Variants in CNBD1 observed in about 807,000 individuals in gnomAD.
The protein encoded by CNBD1 is cyclic nucleotide binding domain containing 1.
CNBD1 carries 71 observed loss-of-function variants against 54.4 expected under a neutral mutation model. The observed-to-expected ratio is 1.30, with a 90% CI of 1.08 to 1.59. The LOEUF (loss-of-function observed/expected upper bound fraction) is 1.59, where lower values mean the gene tolerates loss of function less well. CNBD1 is among the 40% of genes most tolerant of loss of function. CNBD1 has a pLI of 0.00. For missense variants in CNBD1, 659 were observed against 518.0 expected (o/e 1.27, Z -2.64); for synonymous variants, 182 against 170.7 (o/e 1.07, Z -0.51).
At chr8:87,329,193 C>G (rs1809759105) in intron 8 of CNBD1, among the ~76,000 whole-genome samples, 1 of 152,038 alleles carries the variant, frequency 6.6e-6, no homozygotes, top group South Asian at 2.1e-4. Context: ...ACTGTACTGC[C>G]TTTGTTCTGT....
intron 5 of CNBD1, among the ~76,000 whole-genome samples, chr8:87,235,405 A>G (rs545608007): frequency 8.5e-5 from 13 of 152,284 alleles, no homozygotes; most frequent in African/African-American, 2.9e-4. Context: ...ATTCAAAGTA[A>G]GAGACACATG....
intron 10 of CNBD1, among the ~76,000 whole-genome samples, chr8:87,371,936 G>A (rs1469717599): frequency 6.6e-6 from 1 of 151,852 alleles, no homozygotes; most frequent in East Asian, 1.9e-4. Flanking sequence ...ACAAGACAGG[G>A]ACGCCCTCTC....
At chr8:87,422,314 A>T (rs918066440) in intron 2 of CNBD1, among the ~76,000 whole-genome samples, 3 of 146,174 alleles carry the variant, frequency 2.1e-5, no homozygotes, top group African/African-American at 7.9e-5. Context: ...TTTTGTTGCC[A>T]TTGCTTTTGG....
At chr8:87,185,990 C>T (rs1164040870) in intron 4 of CNBD1, among the ~76,000 whole-genome samples, 1 of 151,978 alleles carries the variant, frequency 6.6e-6, no homozygotes, top group African/African-American at 2.4e-5. Flanking sequence ...TTTATTTGTT[C>T]CTCGTTTCCA....
At position 87,257,666 on chromosome 8, in the gene CNBD1, A is replaced by T. The variant is rs535813304; in HGVS notation, c.771+20554A>T. Among the ~76,000 whole-genome samples the T allele has an allele frequency of 3.3e-5, 5 of 152,248 alleles. No individual in the cohort carries two copies. The South Asian group carries it at 8.3e-4, about 25-fold the overall frequency. ...GGTTCTCCGTGAGTCCATGCTTAAC[A>T]TTGGATTTATGTCCTCTTGAATACC... On this transcript the variant is annotated intron_variant, in intron 6 of 10. Transcript: ENST00000518476.
chr8:87,280,002 C>T (rs1172944904), intron 6 of CNBD1, among the ~76,000 whole-genome samples: 1 of 151,246 alleles, frequency 6.6e-6, no homozygotes, highest in Non-Finnish European at 1.5e-5. Flanking sequence ...AAAGGTGATC[C>T]TCTTTGATTC....
chr8:86,954,458 G>T (rs1807707661), intron 4 of CNBD1, among the ~76,000 whole-genome samples: 1 of 152,154 alleles, frequency 6.6e-6, no homozygotes, highest in Non-Finnish European at 1.5e-5. Context: ...TTCACACACA[G>T]ATTTTCTCTT....
intron 10 of CNBD1, among the ~76,000 whole-genome samples, chr8:87,364,158 T>C (rs1327637273): frequency 1.3e-5 from 2 of 151,754 alleles, no homozygotes; most frequent in Non-Finnish European, 2.9e-5. Flanking sequence ...TGCTGACATT[T>C]AAAATTAATT....
At position 87,274,457 on chromosome 8, in the gene CNBD1, G is replaced by A. The variant is rs561740971; in HGVS notation, c.772-10221G>A. ...GTTGTTTCCTGACTTTTTAATGATCGCCATTCTAACTGGTGTGAGATGATA... is the reference window on the plus strand; with the variant it reads ...GTTGTTTCCTGACTTTTTAATGATCACCATTCTAACTGGTGTGAGATGATA... On this transcript the variant is annotated intron_variant, in intron 6 of 10. Transcript: ENST00000518476. 3.5e-3 allele frequency among the ~76,000 whole-genome samples: 515 copies of A among 147,694 alleles called. 6 individuals carry two copies. Among genetic ancestry groups the A allele is most frequent in the African/African-American group, 0.011 (442 of 38,950 alleles).
chr8:87,377,839 G>A (rs922007312), intron 10 of CNBD1, among the ~76,000 whole-genome samples: 2 of 150,610 alleles, frequency 1.3e-5, no homozygotes, highest in Non-Finnish European at 2.9e-5. Flanking sequence ...TTTAATGATT[G>A]CCATTCTAAC....
intron 10 of CNBD1, among the ~76,000 whole-genome samples, chr8:87,366,631 G>T (rs956098396): frequency 2.6e-5 from 4 of 152,012 alleles, no homozygotes; most frequent in Non-Finnish European, 2.9e-5. Context: ...ATAATCACAG[G>T]AGTAACACCA....
chr8:87,318,503 C>A (rs974389564), intron 8 of CNBD1, among the ~76,000 whole-genome samples: 4 of 152,044 alleles, frequency 2.6e-5, no homozygotes, highest in African/African-American at 7.2e-5. Context: ...TTTGAAGGAG[C>A]CCCTGCGTGC....
intron 4 of CNBD1, among the ~76,000 whole-genome samples, chr8:87,024,247 A>C (rs1809571520): frequency 8.7e-6 from 1 of 114,406 alleles, no homozygotes; most frequent in African/African-American, 3.6e-5. Flanking sequence ...TCAAAAAAAA[A>C]GAAAAAAAAA....
chr8:87,112,841 G>A (rs948285071), intron 4 of CNBD1, among the ~76,000 whole-genome samples: 26 of 152,084 alleles, frequency 1.7e-4, no homozygotes, highest in African/African-American at 3.4e-4. Context: ...ACTTCCTAAG[G>A]TACTCCTGGC....
intron 10 of CNBD1, among the ~76,000 whole-genome samples, chr8:87,378,563 T>A (rs62526827): frequency 0.015 from 2,194 of 149,780 alleles, 94 homozygotes; most frequent in African/African-American, 0.05. Context: ...GTAGCCTTGT[T>A]GTATAGTTTG....
chr8:87,423,795 T>C (rs1244793943), intron 2 of CNBD1, among the ~76,000 whole-genome samples: 6 of 152,078 alleles, frequency 3.9e-5, no homozygotes, highest in Non-Finnish European at 8.8e-5. Flanking sequence ...CCTCATAAAA[T>C]GAGTTAGGGA....
intron 3 of CNBD1, among the ~76,000 whole-genome samples, chr8:86,912,899 T>C (rs1809126271): frequency 6.6e-6 from 1 of 152,036 alleles, no homozygotes; most frequent in African/African-American, 2.4e-5. Context: ...CCTAGGCTAA[T>C]GTTTGTAATT....
chr8:87,311,256 A>T (rs1045583356), intron 8 of CNBD1, among the ~76,000 whole-genome samples: 1 of 152,122 alleles, frequency 6.6e-6, no homozygotes, highest in African/African-American at 2.4e-5. Flanking sequence ...TCAACAAGCA[A>T]AAAACAAAAA....
chr8:86,928,541 T>C (rs1809403702), intron 3 of CNBD1, among the ~76,000 whole-genome samples: 1 of 152,182 alleles, frequency 6.6e-6, no homozygotes, highest in Non-Finnish European at 1.5e-5. Context: ...AGCCCAAATC[T>C]AGGAATTATT....
Sources: allele counts gnomAD v4.1 joint callset (sites outside exome capture counted in the v4.1 genomes callset), GRCh38; gene constraint gnomAD v4.1.1; transcripts MANE v1.5; gene names NCBI Gene and HGNC (gene_info 2026-07-23, HGNC 2026-07-21).